The following NCAM2 variants were observed in gnomAD, a reference collection of about 807,000 sequenced individuals.
The protein encoded by NCAM2 is N-CAM-2.
Under a neutral mutation model 98.1 loss-of-function variants are expected in NCAM2, and 30 were observed. The ratio of observed to expected loss-of-function variants is 0.31; its 90% CI spans 0.23 to 0.41. The LOEUF (loss-of-function observed/expected upper bound fraction) is 0.41. Ranked by LOEUF, NCAM2 falls within the 10% of genes least tolerant of loss-of-function variation. The pLI, the probability that NCAM2 is intolerant of heterozygous loss-of-function variation, is 1.00. For synonymous variants in NCAM2, 368 were observed against 342.4 expected (o/e 1.07, Z -0.83); for missense variants, 867 against 1,005.8 (o/e 0.86, Z 1.87).
At chr21:21,024,836 G>T (rs531989514) in intron 1 of NCAM2, among the ~76,000 whole-genome samples, 44 of 151,368 alleles carry the variant, frequency 2.9e-4, no homozygotes, top group African/African-American at 1.0e-3. Flanking sequence ...GCAGTGAGCT[G>T]AGATCACACC....
chr21:21,010,855 A>G (rs911136838), intron 1 of NCAM2, among the ~76,000 whole-genome samples: 1 of 152,142 alleles, frequency 6.6e-6, no homozygotes, highest in Non-Finnish European at 1.5e-5. Context: ...GTAGAAACGC[A>G]TGCAGGGAGC....
At chr21:21,210,669 A>G in intron 1 of NCAM2, 2 of 1,274,896 alleles carry the variant, frequency 1.6e-6, no homozygotes, top group Non-Finnish European at 2.0e-6. Context: ...AAGAAGGGCA[A>G]CCAGAGACTT....
intron 8 of NCAM2, among the ~76,000 whole-genome samples, chr21:21,342,130 C>T (rs966841121): frequency 7.2e-5 from 11 of 152,140 alleles, no homozygotes; most frequent in African/African-American, 4.8e-5. Flanking sequence ...TAAGAGTTCA[C>T]GAGTAGCATT....
At chr21:21,319,205 G>A (rs376018980) in intron 5 of NCAM2, among the ~76,000 whole-genome samples, 1 of 152,126 alleles carries the variant, frequency 6.6e-6, no homozygotes, top group African/African-American at 2.4e-5. Flanking sequence ...AATTTGGATG[G>A]AAAATATTTT....
At chr21:21,276,482 A>T (rs1423822575) in intron 1 of NCAM2, among the ~76,000 whole-genome samples, 3 of 152,076 alleles carry the variant, frequency 2.0e-5, no homozygotes, top group Non-Finnish European at 4.4e-5. Context: ...CTTAAGTAAG[A>T]AATTTGTGAT....
intron 5 of NCAM2, among the ~76,000 whole-genome samples, chr21:21,301,022 A>G (rs1345773849): frequency 1.3e-5 from 2 of 152,084 alleles, no homozygotes; most frequent in East Asian, 3.9e-4. Context: ...CGGATAGTGA[A>G]TATATCTTCT....
intron 1 of NCAM2, among the ~76,000 whole-genome samples, chr21:21,135,353 T>C (rs994068446): frequency 2.0e-5 from 3 of 152,072 alleles, no homozygotes; most frequent in African/African-American, 7.2e-5. Flanking sequence ...TTGTATTTCA[T>C]TTTTGTGCCT....
intron 1 of NCAM2, 85 bp from the exon 2 acceptor site, chr21:21,280,493 G>A: frequency 1.1e-6 from 1 of 892,278 alleles, no homozygotes; most frequent in Non-Finnish European, 1.7e-6. Context: ...TCAGCGTTTG[G>A]ACCATGTGGT....
At chr21:21,293,233 C>T (rs191045193) in intron 5 of NCAM2, among the ~76,000 whole-genome samples, 4 of 151,980 alleles carry the variant, frequency 2.6e-5, no homozygotes, top group Admixed American at 2.6e-4. Context: ...TTTAACATCT[C>T]TCAAACATAC....
chr21:21,525,516 A>C (rs1989273012), intron 16 of NCAM2, among the ~76,000 whole-genome samples: 1 of 152,158 alleles, frequency 6.6e-6, no homozygotes, highest in African/African-American at 2.4e-5. Flanking sequence ...AAATTGAATT[A>C]ATAATTTATA....
At chr21:21,209,517 G>A (rs1568771978) in intron 1 of NCAM2, among the ~76,000 whole-genome samples, 1 of 152,096 alleles carries the variant, frequency 6.6e-6, no homozygotes, top group Admixed American at 6.6e-5. Context: ...TTAAAGTATA[G>A]TGAGGCATCT....
At chr21:21,011,873 A>G (rs9974357) in intron 1 of NCAM2, among the ~76,000 whole-genome samples, 83,488 of 151,808 alleles carry the variant, frequency 0.55, 23,408 homozygotes, top group East Asian at 0.81. Context: ...GGTCAAAGGC[A>G]TACAAAAAAA....
chr21:21,005,824 T>G (rs1333533709), intron 1 of NCAM2, among the ~76,000 whole-genome samples: 1 of 151,506 alleles, frequency 6.6e-6, no homozygotes, highest in Non-Finnish European at 1.5e-5. Flanking sequence ...AAAAAAACCC[T>G]AAAAACTGAC....
intron 6 of NCAM2, among the ~76,000 whole-genome samples, chr21:21,331,510 T>TATATATATATATATATATATATA: frequency 9.4e-4 from 1 of 1,060 alleles, no homozygotes; most frequent in Non-Finnish European, 2.5e-3. Context: ...CTCTATACTC[T>TATATATATATATATATATATATA]CTCTCTCTAT....
At chr21:21,018,526 A>G (rs1288652091) in intron 1 of NCAM2, among the ~76,000 whole-genome samples, 4 of 152,350 alleles carry the variant, frequency 2.6e-5, no homozygotes, top group Middle Eastern at 6.8e-3. Context: ...CATATTTGTA[A>G]TATCACAATA....
chr21:21,497,324 A>G (rs558686965), intron 15 of NCAM2, among the ~76,000 whole-genome samples: 8 of 152,150 alleles, frequency 5.3e-5, no homozygotes, highest in Non-Finnish European at 1.2e-4. Context: ...AAATCTGCAC[A>G]TATACCCCCT....
chr21:21,174,009 C>T (rs185842405), intron 1 of NCAM2, among the ~76,000 whole-genome samples: 3 of 152,186 alleles, frequency 2.0e-5, no homozygotes, highest in Non-Finnish European at 4.4e-5. Context: ...CTGCAACCTC[C>T]GCCTCCCGAG....
chr21:21,058,498 A>C (rs1467965409), intron 1 of NCAM2, among the ~76,000 whole-genome samples: 1 of 152,118 alleles, frequency 6.6e-6, no homozygotes, highest in Non-Finnish European at 1.5e-5. Flanking sequence ...CTATACTCTC[A>C]AGGAAAAATA....
chr21:21,451,014 A>T (rs1395666761), intron 12 of NCAM2, among the ~76,000 whole-genome samples: 1 of 152,006 alleles, frequency 6.6e-6, no homozygotes, highest in Non-Finnish European at 1.5e-5. Context: ...AATTCATGAG[A>T]TTCATTTTTA....
Sources: gnomAD v4.1 joint callset for allele counts (sites outside exome capture counted in the v4.1 genomes callset) on GRCh38, gnomAD v4.1.1 for gene constraint, MANE v1.5 for transcripts, NCBI Gene and HGNC (gene_info 2026-07-23, HGNC 2026-07-21) for gene names.